CFAP70: variants seen among roughly 807,000 people sequenced by gnomAD.
The protein encoded by CFAP70 is cilia and flagella associated protein 70, also known as cilia- and flagella-associated protein 70.
A neutral mutation model predicts 137.6 loss-of-function variants in CFAP70; 81 were observed. That is an observed-to-expected ratio of 0.59 (90% CI 0.49 to 0.71). The LOEUF (loss-of-function observed/expected upper bound fraction) is 0.71, where lower values mean the gene tolerates loss of function less well. Among genes scored for constraint, CFAP70 ranks in the 30% least tolerant of loss-of-function variants. CFAP70 has a pLI of 0.00. For missense variants in CFAP70, 976 were observed against 1,226.7 expected (o/e 0.80, Z 3.05); for synonymous variants, 382 against 423.6 (o/e 0.90, Z 1.20).
upstream of CFAP70, among the ~76,000 whole-genome samples, chr10:73,359,048 G>T (rs1278955046): frequency 6.6e-6 from 1 of 152,148 alleles, no homozygotes; most frequent in Non-Finnish European, 1.5e-5. Flanking sequence ...GAAGTTTAAA[G>T]AAAAAGGCCT....
At chr10:73,348,427 C>T (rs761407506) in exon 4 of CFAP70, 3 of 1,600,676 alleles carry the variant, frequency 1.9e-6, no homozygotes, top group South Asian at 2.2e-5. Flanking sequence ...TCTGACCTTC[C>T]AGTAAGGGAA....
intron 9 of CFAP70, among the ~76,000 whole-genome samples, chr10:73,319,354 C>A (rs952112933): frequency 8.5e-5 from 13 of 152,060 alleles, no homozygotes; most frequent in African/African-American, 3.1e-4. Flanking sequence ...GAAAGTCACT[C>A]CCCCTAGCCA....
intron 12 of CFAP70, among the ~76,000 whole-genome samples, chr10:73,302,888 T>TG (rs951275644): frequency 4.9e-5 from 6 of 122,814 alleles, no homozygotes; most frequent in African/African-American, 1.7e-4. Flanking sequence ...CTTTTCTTTT[T>TG]TTTTTTTTTT....
intron 1 of CFAP70, among the ~76,000 whole-genome samples, 177 bp from the exon 2 acceptor site, chr10:73,355,012 G>A (rs1385995333): frequency 1.3e-5 from 2 of 152,308 alleles, no homozygotes; most frequent in African/African-American, 4.8e-5. Context: ...CTGGTCACAA[G>A]GATGATTTCA....
At chr10:73,289,825 T>C (rs1323030366) in intron 19 of CFAP70, among the ~76,000 whole-genome samples, 1 of 151,948 alleles carries the variant, frequency 6.6e-6, no homozygotes, top group Non-Finnish European at 1.5e-5. Context: ...GCAGGCAGAT[T>C]GCCTGAGGTC....
At chr10:73,362,129 G>A (rs1430388302), upstream of CFAP70, among the ~76,000 whole-genome samples, 1 of 152,156 alleles carries the variant, frequency 6.6e-6, no homozygotes, top group African/African-American at 2.4e-5. Context: ...AGAGTGCCAA[G>A]ATGATCTACT....
exon 19 of CFAP70, chr10:73,291,435 T>C (rs1296673339): frequency 1.2e-6 from 2 of 1,614,130 alleles, no homozygotes; most frequent in Non-Finnish European, 1.7e-6. Flanking sequence ...TTGAATTTCA[T>C]AGTACAAACC....
intron 14 of CFAP70, among the ~76,000 whole-genome samples, chr10:73,298,166 CTT>C (rs2048682290): frequency 2.0e-5 from 3 of 152,206 alleles, no homozygotes; most frequent in Admixed American, 6.5e-5. Context: ...ATCTCTGTGA[CTT>C]TGGACAAATT....
intron 23 of CFAP70, among the ~76,000 whole-genome samples, 171 bp from the exon 25 acceptor site, chr10:73,273,188 AGAG>A (rs1420482297): frequency 6.6e-6 from 1 of 152,220 alleles, no homozygotes; most frequent in Non-Finnish European, 1.5e-5. Flanking sequence ...AAGATTGGTG[AGAG>A]GAGATGGATA....
Position 73,286,060 on chromosome 10 carries a change from C to T in CFAP70, c.2239+5166G>A, listed in dbSNP as rs1445182004. 2.0e-5 allele frequency among the ~76,000 whole-genome samples: 3 copies of T among 152,094 alleles called. No individual in the cohort carries two copies. The East Asian group carries it at 5.8e-4, about 29-fold the overall frequency. On this transcript the variant is annotated intron_variant, in intron 19 of 26. Coordinates refer to ENST00000310715, the Ensembl canonical transcript of CFAP70. The stretch of plus-strand genomic sequence containing the variant: ...GGCAGACACTGGTAGACAATGACCA[C>T]CAGAAGGAATTTGAGTTGAGATACC...
chr10:73,291,518 T>C, intron 18 of CFAP70, 74 bp from the exon 20 acceptor site: 1 of 1,524,814 alleles, frequency 6.6e-7, no homozygotes, highest in Non-Finnish European at 9.0e-7. Context: ...GTATTTCACT[T>C]ATTTTTCCCA....
At chr10:73,284,337 T>C (rs2047482780) in intron 19 of CFAP70, among the ~76,000 whole-genome samples, 1 of 152,144 alleles carries the variant, frequency 6.6e-6, no homozygotes, top group Non-Finnish European at 1.5e-5. Flanking sequence ...AGGACCCTTG[T>C]GGTTACATTG....
In CFAP70 at chr10:73,272,687, T is replaced by G; in HGVS notation, c.2925+241A>C. The G allele has an allele frequency of 5.2e-6, 3 of 578,090 alleles. No individual in the cohort carries two copies. The Admixed American group carries it at 8.4e-5, about 16-fold the overall frequency. The allele number at this position is 578,090 out of a possible 1,614,324, so 35.8% of individuals were successfully genotyped here. Reference sequence around the variant, plus strand: ...GTGTCTATACCAAATAACATGAATTTTTTTTATTATGTAGCTTCTTGGTTC... The same window carrying G: ...GTGTCTATACCAAATAACATGAATTGTTTTTATTATGTAGCTTCTTGGTTC... On this transcript the variant is annotated intron_variant, in intron 24 of 26. Transcript: ENST00000310715.
In CFAP70 at chr10:73,335,497, A is replaced by G. The variant is rs763117809; in HGVS notation, c.610T>C (p.Cys204Arg). 7 of 1,610,818 alleles carry G rather than the reference A, an allele frequency of 4.3e-6. No homozygotes were observed. In the Admixed American group the frequency reaches 5.0e-5, roughly 12 times the overall value. The change falls in exon 7 of 27, where the codon TGC becomes CGC. Residue 204 changes from cysteine to arginine, a missense_variant. Transcript: ENST00000310715. ...TCCCAAATAATCCTTTTCTTTATGC[A>G]CTCTGCTTGATTCCTAAATTCGCTG...
At chr10:73,349,201 A>G (rs572119758) in intron 3 of CFAP70, among the ~76,000 whole-genome samples, 1 of 152,250 alleles carries the variant, frequency 6.6e-6, no homozygotes, top group Admixed American at 6.5e-5. Flanking sequence ...ATGCCCATCA[A>G]TTGATCTTAA....
At chr10:73,331,506 T>G (rs1184734352) in intron 7 of CFAP70, among the ~76,000 whole-genome samples, 1 of 152,018 alleles carries the variant, frequency 6.6e-6, no homozygotes, top group South Asian at 2.1e-4. Flanking sequence ...ATGCCAAAAT[T>G]CCATCTCTAT....
At chr10:73,354,702 G>C (rs2054534697) in intron 2 of CFAP70, 32 bp downstream of exon 2, 2 of 1,601,236 alleles carry the variant, frequency 1.2e-6, no homozygotes, top group South Asian at 2.2e-5. Flanking sequence ...CCCAAACTAA[G>C]GATTTTTGTA....
intron 25 of CFAP70, among the ~76,000 whole-genome samples, chr10:73,268,612 A>G (rs917260801): frequency 3.3e-5 from 5 of 152,158 alleles, no homozygotes; most frequent in Admixed American, 3.3e-4. Flanking sequence ...TTGAGGCCCA[A>G]TAAAGTTAGG....
chr10:73,340,973 C>A (rs974275709), intron 6 of CFAP70, among the ~76,000 whole-genome samples: 1 of 152,118 alleles, frequency 6.6e-6, no homozygotes, highest in South Asian at 2.1e-4. Context: ...CTCCATGGAG[C>A]GTGTAGGCCC....
Sources: gnomAD v4.1 joint callset for allele counts (sites outside exome capture counted in the v4.1 genomes callset) on GRCh38, gnomAD v4.1.1 for gene constraint, MANE v1.5 for transcripts, NCBI Gene and HGNC (gene_info 2026-07-23, HGNC 2026-07-21) for gene names.